The following PTBP1 variants were observed in gnomAD, a reference collection of about 807,000 sequenced individuals.
PTBP1 encodes polypyrimidine tract-binding protein 1.
In PTBP1, 8 loss-of-function variants were observed where a neutral mutation model predicts 59.8. The ratio of observed to expected loss-of-function variants is 0.13; its 90% CI spans 0.08 to 0.24. The LOEUF is 0.24. PTBP1 is among the 10% of genes least tolerant of loss of function. The pLI is 1.00. For synonymous variants in PTBP1, 490 were observed against 320.7 expected, an observed-to-expected ratio of 1.53 and a Z score of -5.64; for missense variants, 686 against 767.0, an observed-to-expected ratio of 0.89 and a Z score of 1.25.
chr19:803,454 G>A (rs1599225449), intron 2 of PTBP1, 107 bp from the exon 3 acceptor site: 1 of 898,656 alleles, frequency 1.1e-6, no homozygotes, highest in East Asian at 2.4e-5. Context: ...GTATGGGTTG[G>A]GGGTCTGGGA....
chr19:797,727 C>T (rs2034134076), intron 1 of PTBP1, among the ~76,000 whole-genome samples: 1 of 148,804 alleles, frequency 6.7e-6, no homozygotes, highest in Admixed American at 6.7e-5. Flanking sequence ...CGCTTCCGGC[C>T]CCCGCGCGCC....
At position 810,946 on chromosome 19, in the gene PTBP1, A is replaced by G. The variant is rs1599248625; in HGVS notation, c.*120A>G. 9.1e-7 allele frequency: 1 copy of G among 1,097,774 alleles called. No individual in the cohort carries two copies. The allele number at this position is 1,097,774 out of a possible 1,614,324, so 68.0% of individuals were successfully genotyped here. ...CAGAGATTTTATTTTTTTAAAGAGA[A>G]ATCAGTTTACCTGTTTTTAAAAAAA... On this transcript the variant is annotated 3_prime_UTR_variant, in exon 15 of 15. Transcript: ENST00000356948.
chr19:808,009 G>C lies in PTBP1; in HGVS notation c.1153+107G>C, dbSNP rs2034658087. ...CGGTTTGGCACTCTGATGCTCCGTG[G>C]CATCCGCCTCGTTTTATGGTTTGCT... is the stretch of plus-strand genomic sequence containing the variant. On this transcript the variant is annotated intron_variant, in intron 11 of 14. Coordinates refer to ENST00000356948, the MANE Select transcript of PTBP1 (RefSeq NM_002819.5). This position sits in a 1 kb window ranked among gnomAD's most constrained non-coding sequence, Gnocchi z 4.7. 3.9e-6 allele frequency: 4 copies of C among 1,023,900 alleles called. No individual in the cohort carries two copies. The highest frequency in any genetic ancestry group is 6.2e-6 in the Non-Finnish European group (4 of 649,596). The allele number at this position is 1,023,900 out of a possible 1,614,324, so 63.4% of individuals were successfully genotyped here.
chr19:799,103 C>T (rs1416777237), intron 1 of PTBP1, among the ~76,000 whole-genome samples: 1 of 152,244 alleles, frequency 6.6e-6, no homozygotes, highest in African/African-American at 2.4e-5. Flanking sequence ...TAGCATTCCT[C>T]GGGGCTTCCG....
intron 2 of PTBP1, 139 bp from the exon 3 acceptor site, chr19:803,422 T>C: frequency 1.4e-6 from 1 of 701,226 alleles, no homozygotes; most frequent in Non-Finnish European, 2.5e-6. Context: ...CAGGCTGCCC[T>C]GCCGTGGAAG....
In PTBP1 at chr19:811,006, C is replaced by T; in HGVS notation, c.*180C>T. 1.6e-6 allele frequency: 1 copy of T among 629,986 alleles called. No homozygotes were observed. The highest frequency in any genetic ancestry group is 2.5e-6 in the Non-Finnish European group (1 of 401,126). The allele number at this position is 629,986 out of a possible 1,614,324, so 39.0% of individuals were successfully genotyped here. A position where few individuals can be genotyped will look rare whatever the true frequency, so the allele number is the denominator to read the frequency against. On this transcript the variant is annotated 3_prime_UTR_variant, in exon 15 of 15. Transcript: ENST00000356948. ...GTTCACCTTGCTCACCCTGCGGTGA[C>T]AGGGACAGCTCAGGCTCTTGGTGAC...
intron 13 of PTBP1, among the ~76,000 whole-genome samples, chr19:810,048 TATC>T (rs2034783361): frequency 6.6e-6 from 1 of 152,262 alleles, no homozygotes; most frequent in Non-Finnish European, 1.5e-5. Flanking sequence ...GGCTCACGCC[TATC>T]ATCCCAGCAC....
chr19:807,984 C>T (rs1018837191), intron 11 of PTBP1, 82 bp downstream of exon 11: 31 of 1,295,912 alleles, frequency 2.4e-5, no homozygotes, highest in Non-Finnish European at 3.2e-5. Context: ...TATGAGTTTG[C>T]GGTTTGGCAC....
intron 2 of PTBP1, among the ~76,000 whole-genome samples, chr19:800,923 G>A (rs2034304447): frequency 6.6e-6 from 1 of 152,138 alleles, no homozygotes; most frequent in Admixed American, 6.5e-5. Flanking sequence ...AAGCCTGCGG[G>A]AGGGATTTTG....
intron 2 of PTBP1, among the ~76,000 whole-genome samples, chr19:802,085 C>T (rs1214593884): frequency 1.3e-5 from 2 of 152,154 alleles, no homozygotes; most frequent in Admixed American, 6.5e-5. Flanking sequence ...TGCTCGATTG[C>T]TTGTTTGGTG....
intron 1 of PTBP1, among the ~76,000 whole-genome samples, chr19:799,184 G>A (rs915167306): frequency 6.6e-6 from 1 of 152,246 alleles, no homozygotes; most frequent in East Asian, 1.9e-4. Flanking sequence ...TGCTGGGAGG[G>A]AGGGGCGCCA....
intron 1 of PTBP1, among the ~76,000 whole-genome samples, chr19:798,812 C>T (rs1000555434): frequency 6.6e-6 from 1 of 152,236 alleles, no homozygotes; most frequent in African/African-American, 2.4e-5. Context: ...CCCGGGGTGT[C>T]CCGAGGAGGG....
intron 13 of PTBP1, among the ~76,000 whole-genome samples, chr19:810,008 T>C (rs187100070): frequency 2.0e-5 from 3 of 152,296 alleles, no homozygotes; most frequent in East Asian, 1.9e-4. Context: ...TGAAATGTTA[T>C]CAGAAAATCA....
rs1241117223 is a variant in PTBP1 at position 803,546 on chromosome 19, TC to T, written c.40-12del. Reference sequence around the variant, plus strand: ...TGGTGGGAAGTGCAGCTCCGCGTTGTCCCTTCTCTTGCAGCGGGGATCTGAC... The same window carrying T: ...TGGTGGGAAGTGCAGCTCCGCGTTGTCCTTCTCTTGCAGCGGGGATCTGAC... On this transcript the variant is annotated splice_polypyrimidine_tract_variant and intron_variant, in intron 2 of 14. Transcript: ENST00000356948. 1.2e-6 allele frequency: 2 copies of T among 1,612,086 alleles called. No individual in the cohort carries two copies. Among genetic ancestry groups the T allele is most frequent in the African/African-American group, 2.7e-5 (2 of 74,868 alleles).
chr19:811,484 G>A lies in PTBP1; in HGVS notation c.*658G>A, dbSNP rs2034871297. 1 of 152,450 alleles carries A rather than the reference G, an allele frequency of 6.6e-6. No homozygotes were observed. The highest frequency in any genetic ancestry group is 1.5e-5 in the Non-Finnish European group (1 of 68,040). The allele number at this position is 152,450 out of a possible 1,614,324, so 9.4% of individuals were successfully genotyped here. A position where few individuals can be genotyped will look rare whatever the true frequency, so the allele number is the denominator to read the frequency against. On this transcript the variant is annotated 3_prime_UTR_variant, in exon 15 of 15. Transcript: ENST00000356948. Reference sequence around the variant, plus strand: ...TCTGTGCCTAGCAATATTTCCAGTTGACCAAATATTCTAATCTTTTTTCAT... The same window carrying A: ...TCTGTGCCTAGCAATATTTCCAGTTAACCAAATATTCTAATCTTTTTTCAT...
chr19:808,826 AC>A lies in PTBP1; in HGVS notation c.1463+66del. On this transcript the variant is annotated intron_variant, in intron 13 of 14. Transcript: ENST00000356948. This position sits in a 1 kb window ranked among gnomAD's most constrained non-coding sequence, Gnocchi z 4.7. ...GGCAAGGGCTCTGCTTGGCTGTCCT[AC>A]CGCGTCGGTGTGTGGACTTCTGGCG... 1 of 1,466,214 alleles carries A rather than the reference AC, an allele frequency of 6.8e-7. No individual in the cohort carries two copies. The highest frequency in any genetic ancestry group is 9.4e-7 in the Non-Finnish European group (1 of 1,068,940). 90.8% of individuals were successfully genotyped at this position (1,466,214 alleles called of 1,614,324 possible).
chr19:798,104 C>T (rs1441703508), intron 1 of PTBP1, among the ~76,000 whole-genome samples: 2 of 151,916 alleles, frequency 1.3e-5, no homozygotes, highest in Non-Finnish European at 2.9e-5. Flanking sequence ...CTACCCCTGC[C>T]CCCCGTGCGC....
At chr19:802,683 G>A (rs1010712871) in intron 2 of PTBP1, among the ~76,000 whole-genome samples, 2 of 152,194 alleles carry the variant, frequency 1.3e-5, no homozygotes, top group African/African-American at 4.8e-5. Context: ...TCAGACCCGA[G>A]CTTTGTTTTC....
At chr19:804,980 C>T in intron 7 of PTBP1, 33 bp from the exon 8 acceptor site, 1 of 1,612,160 alleles carries the variant, frequency 6.2e-7, no homozygotes, top group South Asian at 1.1e-5. Flanking sequence ...CTGGCCCTGG[C>T]CCGGCGACGT....
Sources: allele counts gnomAD v4.1 joint callset (sites outside exome capture counted in the v4.1 genomes callset), GRCh38; gene constraint gnomAD v4.1.1; non-coding constraint Gnocchi (gnomAD v3.1); transcripts MANE v1.5; gene names NCBI Gene and HGNC (gene_info 2026-07-23, HGNC 2026-07-21).